TMEM245: variants seen among roughly 807,000 people sequenced by gnomAD.
TMEM245 encodes transmembrane protein 245.
Under a neutral mutation model 101.2 loss-of-function variants are expected in TMEM245, and 69 were observed. The ratio of observed to expected loss-of-function variants is 0.68; its 90% confidence interval spans 0.56 to 0.83. The LOEUF is 0.83. Among genes scored for constraint, TMEM245 ranks in the 40% least tolerant of loss-of-function variants. The pLI is 0.00. For missense variants in TMEM245, 1,075 were observed against 1,092.8 expected (o/e 0.98, Z 0.23); for synonymous variants, 537 against 449.8 (o/e 1.19, Z -2.45).
Position 109,119,522 on chromosome 9 carries a change from A to G in TMEM245, c.392T>C (p.Val131Ala). ...GCCCAGGGCCTCGACGCCGTAGTCG[A>G]CGAAGCAGAGCGGCAGGAGCAGCGC... ...LAALLLPLCF[V>A]DYGVEALGEQ... Residue 131 changes from valine to alanine, a missense_variant, in exon 1 of 18, where the codon GTC becomes GCC. Val to Ala is a moderately conservative substitution (Grantham distance 64). Around this residue, in one of 2 missense-constraint regions of TMEM245, gnomAD observed 808 missense variants for 741.5 expected, o/e 1.09. Transcript: ENST00000374586. 1 of 1,527,928 alleles carries G rather than the reference A, an allele frequency of 6.5e-7. No individual in the cohort carries two copies. Among genetic ancestry groups the G allele is most frequent in the Non-Finnish European group, 8.7e-7 (1 of 1,143,350 alleles). 94.6% of individuals were successfully genotyped at this position (1,527,928 alleles called of 1,614,324 possible).
chr9:109,049,990 C>T (rs1828623560), intron 14 of TMEM245, among the ~76,000 whole-genome samples: 1 of 152,130 alleles, frequency 6.6e-6, no homozygotes, highest in Admixed American at 6.5e-5. Context: ...CAGGGTCTCA[C>T]TATGTTGTCC....
chr9:109,087,857 T>TC (rs1183219226), intron 5 of TMEM245, among the ~76,000 whole-genome samples: 1 of 152,206 alleles, frequency 6.6e-6, no homozygotes, highest in Non-Finnish European at 1.5e-5. Flanking sequence ...TGTTCCTATT[T>TC]CCCCATTTGA....
At chr9:109,113,450 T>G (rs544073698) in intron 1 of TMEM245, among the ~76,000 whole-genome samples, 14 of 152,204 alleles carry the variant, frequency 9.2e-5, no homozygotes, top group Non-Finnish European at 1.6e-4. Flanking sequence ...AAACTTATGT[T>G]CTCCAAAACA....
At position 109,119,557 on chromosome 9, in the gene TMEM245, G is replaced by T; in HGVS notation, c.357C>A (p.Ile119=). Residue 119 remains isoleucine, a synonymous_variant, in exon 1 of 18, where the codon ATC becomes ATA. Coordinates refer to ENST00000374586, the MANE Select transcript of TMEM245 (RefSeq NM_032012.4). ...GCGGCAGGAGCAGCGCGGCCAGGAC[G>T]ATGGGCGTGTGCGCGCGGTGCAGGC... The part of the protein sequence containing the change: ...LQRLHRAHTP[I]VLAALLLPLC... 5 of 1,537,620 alleles carry T rather than the reference G, an allele frequency of 3.3e-6. No homozygotes were observed. The highest frequency in any genetic ancestry group is 3.5e-6 in the Non-Finnish European group (4 of 1,146,912).
intron 16 of TMEM245, among the ~76,000 whole-genome samples, chr9:109,035,545 G>A (rs1828093101): frequency 6.6e-6 from 1 of 152,060 alleles, no homozygotes; most frequent in Non-Finnish European, 1.5e-5. Context: ...AAATTAACTT[G>A]CTGAGATTTG....
intron 1 of TMEM245, among the ~76,000 whole-genome samples, chr9:109,117,284 T>A (rs2132685888): frequency 6.6e-6 from 1 of 151,832 alleles, no homozygotes; most frequent in South Asian, 2.1e-4. Flanking sequence ...TAATTTTTTT[T>A]TTTTTGTATT....
At chr9:109,051,826 C>T (rs903531531) in intron 12 of TMEM245, among the ~76,000 whole-genome samples, 1 of 152,186 alleles carries the variant, frequency 6.6e-6, no homozygotes, top group African/African-American at 2.4e-5. Context: ...GCCTAGCCCC[C>T]ACCCTTGCCA....
chr9:109,099,832 T>C (rs1391745432), intron 3 of TMEM245, among the ~76,000 whole-genome samples: 2 of 152,120 alleles, frequency 1.3e-5, no homozygotes, highest in Admixed American at 6.5e-5. Context: ...GGTGGGACCT[T>C]TAAGAGGTGA....
Position 109,017,352 on chromosome 9 carries a change from G to A in TMEM245, c.*3108C>T, listed in dbSNP as rs1327739335. On this transcript the variant is annotated 3_prime_UTR_variant, in exon 18 of 18. Transcript: ENST00000374586. The stretch of plus-strand genomic sequence containing the variant: ...CTAAACACTTCTTATCAAAGAGGGT[G>A]TGAAGAAACCTTGCAATTTTAACAA... The A allele has an allele frequency of 6.6e-6, 1 of 152,236 alleles. No homozygotes were observed. The highest frequency in any genetic ancestry group is 2.4e-5 in the African/African-American group (1 of 41,460). 9.4% of individuals were successfully genotyped at this position (152,236 alleles called of 1,614,324 possible).
intron 3 of TMEM245, among the ~76,000 whole-genome samples, chr9:109,101,935 A>C (rs1251321872): frequency 6.6e-6 from 1 of 152,184 alleles, no homozygotes; most frequent in African/African-American, 2.4e-5. Flanking sequence ...ACCCAACCAC[A>C]ACCTTTGGTT....
At chr9:109,119,154 C>T (rs1017856319) in intron 1 of TMEM245, among the ~76,000 whole-genome samples, 181 bp downstream of exon 1, 6 of 152,214 alleles carry the variant, frequency 3.9e-5, no homozygotes, top group Non-Finnish European at 7.3e-5. Context: ...CACGCCCGCC[C>T]CCTTTTTGGA....
At chr9:109,053,385 C>T (rs1233009136) in intron 12 of TMEM245, among the ~76,000 whole-genome samples, 1 of 152,102 alleles carries the variant, frequency 6.6e-6, no homozygotes, top group African/African-American at 2.4e-5. Flanking sequence ...TGGGATCGTG[C>T]CACTGTACTC....
At chr9:109,099,276 G>A (rs549988186) in intron 3 of TMEM245, among the ~76,000 whole-genome samples, 1 of 152,300 alleles carries the variant, frequency 6.6e-6, no homozygotes, top group African/African-American at 2.4e-5. Flanking sequence ...ATCAGAAGTG[G>A]GGACTGGGAG....
At chr9:109,050,780 T>G in intron 12 of TMEM245, 88 bp from the exon 13 acceptor site, 1 of 1,437,360 alleles carries the variant, frequency 7.0e-7, no homozygotes, top group South Asian at 1.3e-5. Context: ...TACAGTGTTT[T>G]AGTACCATGA....
rs79613439 is a variant in TMEM245 at position 109,079,496 on chromosome 9, A to G, written c.1449+1343T>C. On this transcript the variant is annotated intron_variant, in intron 8 of 17. Transcript: ENST00000374586. ...ATGTCCATTAAACATTCAAGTAGAT[A>G]CTGTCATGGATGTTTCAGAGAATGA... 9.9e-3 allele frequency among the ~76,000 whole-genome samples: 1,505 copies of G among 152,190 alleles called. 30 individuals are homozygous for G. Among genetic ancestry groups the G allele is most frequent in the African/African-American group, 0.034 (1,399 of 41,536 alleles).
chr9:109,037,609 A>T (rs908229216), intron 15 of TMEM245, among the ~76,000 whole-genome samples: 2 of 152,194 alleles, frequency 1.3e-5, no homozygotes, highest in African/African-American at 4.8e-5. Context: ...TGCTCCAGCC[A>T]TGTAAGACAT....
chr9:109,046,262 C>T (rs781435791), intron 14 of TMEM245: 12 of 534,298 alleles, frequency 2.2e-5, no homozygotes, highest in African/African-American at 7.7e-5. Flanking sequence ...GCATTGAGGC[C>T]GTGACAACAT....
intron 3 of TMEM245, among the ~76,000 whole-genome samples, chr9:109,096,669 A>G (rs1830149511): frequency 6.6e-6 from 1 of 152,248 alleles, no homozygotes; most frequent in Non-Finnish European, 1.5e-5. Context: ...GAAAAAGGAA[A>G]AACAAAAACA....
At chr9:109,053,725 GTACT>G (rs1300452769) in intron 12 of TMEM245, among the ~76,000 whole-genome samples, 3 of 152,200 alleles carry the variant, frequency 2.0e-5, no homozygotes, top group African/African-American at 7.2e-5. Context: ...TCGTTTCCCA[GTACT>G]TACTAAGAGC....
Sources: gnomAD v4.1 joint callset for allele counts (sites outside exome capture counted in the v4.1 genomes callset) on GRCh38, gnomAD v4.1.1 for gene constraint, gnomAD v4.1.1 regional missense constraint, MANE v1.5 for transcripts, NCBI Gene and HGNC (gene_info 2026-07-23, HGNC 2026-07-21) for gene names.